Variants in ALCAM observed in about 807,000 individuals in gnomAD.
ALCAM encodes CD166 antigen.
In ALCAM, 30 loss-of-function variants were observed where a neutral mutation model predicts 70.9. The ratio of observed to expected loss-of-function variants is 0.42; its 90% CI spans 0.32 to 0.57. The LOEUF (loss-of-function observed/expected upper bound fraction) is 0.57, where lower values mean the gene tolerates loss of function less well. ALCAM is among the 20% of genes least tolerant of loss of function. The probability of loss-of-function intolerance (pLI) is 0.11; values close to 1 mark genes in which losing one functional copy is unlikely to be tolerated. For missense variants in ALCAM, 591 were observed against 695.1 expected (o/e 0.85, Z 1.68); for synonymous variants, 249 against 242.5 (o/e 1.03, Z -0.25).
At chr3:105,433,273 T>C (rs1258458414) in intron 1 of ALCAM, among the ~76,000 whole-genome samples, 2 of 152,130 alleles carry the variant, frequency 1.3e-5, no homozygotes, top group African/African-American at 4.8e-5. Context: ...ATGTTCAGTA[T>C]GCGTTTTCCA....
intron 1 of ALCAM, among the ~76,000 whole-genome samples, chr3:105,433,402 C>T (rs1440394945): frequency 6.6e-6 from 1 of 152,162 alleles, no homozygotes; most frequent in Non-Finnish European, 1.5e-5. Flanking sequence ...GTCCAAGTCA[C>T]TAAATTCTTC....
intron 1 of ALCAM, among the ~76,000 whole-genome samples, chr3:105,502,953 A>G (rs1449333143): frequency 1.3e-5 from 2 of 152,252 alleles, no homozygotes; most frequent in African/African-American, 4.8e-5. Context: ...ATTAAAAAGC[A>G]CAGTATTACA....
At chr3:105,454,250 A>G (rs143139965) in intron 1 of ALCAM, among the ~76,000 whole-genome samples, 1 of 152,338 alleles carries the variant, frequency 6.6e-6, no homozygotes, top group Non-Finnish European at 1.5e-5. Flanking sequence ...TCATATCCAC[A>G]GTGACGAATT....
intron 14 of ALCAM, among the ~76,000 whole-genome samples, chr3:105,555,967 A>G (rs142910859): frequency 5.9e-5 from 9 of 152,050 alleles, no homozygotes; most frequent in South Asian, 2.1e-4. Context: ...GGTATTAACT[A>G]TCAGAGTCAG....
chr3:105,447,277 ATAC>A (rs1240822188), intron 1 of ALCAM, among the ~76,000 whole-genome samples: 1 of 152,210 alleles, frequency 6.6e-6, no homozygotes, highest in African/African-American at 2.4e-5. Flanking sequence ...TGTATCCTAA[ATAC>A]TAAAAAAAAA....
intron 1 of ALCAM, among the ~76,000 whole-genome samples, chr3:105,463,825 G>A (rs750475101): frequency 1.7e-4 from 25 of 151,328 alleles, no homozygotes; most frequent in Admixed American, 2.6e-4. Flanking sequence ...TGTTACAGTA[G>A]TATTTTCCCT....
At chr3:105,475,132 T>C (rs906140717) in intron 1 of ALCAM, among the ~76,000 whole-genome samples, 1 of 151,916 alleles carries the variant, frequency 6.6e-6, no homozygotes, top group Non-Finnish European at 1.5e-5. Flanking sequence ...TAACCTGCTT[T>C]TCTCCTTGAA....
At chr3:105,509,941 G>A (rs929339566) in intron 1 of ALCAM, among the ~76,000 whole-genome samples, 1 of 151,932 alleles carries the variant, frequency 6.6e-6, no homozygotes, top group Admixed American at 6.6e-5. Context: ...CTAAATTGGG[G>A]TGGGATTTTT....
intron 12 of ALCAM, among the ~76,000 whole-genome samples, chr3:105,550,750 T>G (rs952848398): frequency 5.3e-5 from 8 of 151,626 alleles, no homozygotes; most frequent in Admixed American, 4.6e-4. Flanking sequence ...AGAGTGATTT[T>G]AGAATTCATG....
intron 1 of ALCAM, among the ~76,000 whole-genome samples, chr3:105,393,714 G>A (rs967385334): frequency 2.0e-5 from 3 of 151,892 alleles, no homozygotes; most frequent in Non-Finnish European, 2.9e-5. Context: ...CATTTGGAAA[G>A]CAGTGTTTTG....
rs71299365 is a variant in ALCAM at position 105,536,093 on chromosome 3, C to CTT, written c.730+1261_730+1262dup. 9.2e-3 allele frequency among the ~76,000 whole-genome samples: 1,311 copies of CTT among 141,884 alleles called. 15 individuals are homozygous for CTT. The highest frequency in any genetic ancestry group is 0.04 in the South Asian group (180 of 4,480). 93.1% of individuals were successfully genotyped at this position (141,884 alleles called of 152,430 possible). A position where few individuals can be genotyped will look rare whatever the true frequency, so the allele number is the denominator to read the frequency against. On this transcript the variant is annotated intron_variant, in intron 6 of 15. Transcript: ENST00000306107. ...TAGGTGAAGGCAGAATTCTTTCTTT[C>CTT]TTTTTTTTTTTTTTGTGTGAGACAT... is the stretch of plus-strand genomic sequence containing the variant.
chr3:105,484,994 A>G (rs927926876), intron 1 of ALCAM, among the ~76,000 whole-genome samples: 3 of 152,112 alleles, frequency 2.0e-5, no homozygotes, highest in Admixed American at 1.3e-4. Context: ...ACATTCTAAA[A>G]TATTCAGATA....
intron 1 of ALCAM, among the ~76,000 whole-genome samples, chr3:105,432,582 A>G (rs1936961282): frequency 6.6e-6 from 1 of 152,076 alleles, no homozygotes; most frequent in Non-Finnish European, 1.5e-5. Flanking sequence ...CGGTTTCCTC[A>G]TCTGTAAAAA....
chr3:105,368,235 G>GAGAGAGAGAGAGAGAGAGAGAT (rs1935125829), intron 1 of ALCAM, among the ~76,000 whole-genome samples: 1 of 147,796 alleles, frequency 6.8e-6, no homozygotes, highest in African/African-American at 2.5e-5. Flanking sequence ...GAGAGAGAGA[G>GAGAGAGAGAGAGAGAGAGAGAT]AGAGAGAGAG....
chr3:105,394,318 G>A (rs776799901), intron 1 of ALCAM, among the ~76,000 whole-genome samples: 2 of 151,896 alleles, frequency 1.3e-5, no homozygotes, highest in Admixed American at 1.3e-4. Flanking sequence ...ACATAGCTAC[G>A]CGGAAGGGAC....
chr3:105,399,365 C>T (rs1936032253), intron 1 of ALCAM, among the ~76,000 whole-genome samples: 1 of 151,930 alleles, frequency 6.6e-6, no homozygotes, highest in Non-Finnish European at 1.5e-5. Flanking sequence ...CTCATCTTTC[C>T]TTTTAAACTT....
chr3:105,487,161 T>A (rs1938453174), intron 1 of ALCAM, among the ~76,000 whole-genome samples: 1 of 151,552 alleles, frequency 6.6e-6, no homozygotes, highest in African/African-American at 2.4e-5. Context: ...TTAAAAAAAC[T>A]AACCATGAAA....
chr3:105,519,046 TG>T (rs977860224), intron 1 of ALCAM, among the ~76,000 whole-genome samples: 4 of 152,098 alleles, frequency 2.6e-5, no homozygotes, highest in South Asian at 2.1e-4. Context: ...AAATATCATT[TG>T]TTTTTTTCTC....
At chr3:105,566,774 T>C (rs779663106) in intron 14 of ALCAM, among the ~76,000 whole-genome samples, 1 of 152,160 alleles carries the variant, frequency 6.6e-6, no homozygotes, top group Non-Finnish European at 1.5e-5. Context: ...AACTGTGTTT[T>C]ACATATATAT....
Sources: allele counts gnomAD v4.1 joint callset (sites outside exome capture counted in the v4.1 genomes callset), GRCh38; gene constraint gnomAD v4.1.1; transcripts MANE v1.5; gene names NCBI Gene and HGNC (gene_info 2026-07-23, HGNC 2026-07-21).